Variants in TOX3 observed in about 807,000 individuals in gnomAD.
TOX3 encodes the protein CAG trinucleotide repeat-containing gene F9 protein.
A neutral mutation model predicts 64.3 loss-of-function variants in TOX3; 22 were observed. That is an observed-to-expected ratio of 0.34 (90% confidence interval 0.24 to 0.49). The LOEUF (loss-of-function observed/expected upper bound fraction) is 0.49, where lower values mean the gene tolerates loss of function less well. Among genes scored for constraint, TOX3 ranks in the 20% least tolerant of loss-of-function variants. The probability of loss-of-function intolerance (pLI) is 0.99; values close to 1 mark genes in which losing one functional copy is unlikely to be tolerated. For synonymous variants in TOX3, 291 were observed against 273.6 expected (o/e 1.06, Z -0.63); for missense variants, 661 against 714.4 (o/e 0.93, Z 0.85).
intron 3 of TOX3, among the ~76,000 whole-genome samples, chr16:52,460,461 T>C (rs920144904): frequency 6.6e-5 from 10 of 152,182 alleles, no homozygotes; most frequent in Admixed American, 4.6e-4. Flanking sequence ...CTGAAAAGAA[T>C]GTTAACAAGT....
At chr16:52,453,723 G>A (rs114479569) in intron 3 of TOX3, among the ~76,000 whole-genome samples, 4 of 152,242 alleles carry the variant, frequency 2.6e-5, no homozygotes, top group South Asian at 2.1e-4. Context: ...ATAGGTGCTC[G>A]ATTGACTCAC....
chr16:52,545,510 TGTTATTTATTCATTA>T (rs1305187927), intron 1 of TOX3, among the ~76,000 whole-genome samples: 1 of 152,260 alleles, frequency 6.6e-6, no homozygotes, highest in East Asian at 1.9e-4. Flanking sequence ...CTCCTCTTCC[TGTTATTTATTCATTA>T]GTTTTGTTTA....
chr16:52,461,011 TA>T (rs1270107575), intron 3 of TOX3, among the ~76,000 whole-genome samples: 1 of 152,140 alleles, frequency 6.6e-6, no homozygotes, highest in Non-Finnish European at 1.5e-5. Flanking sequence ...AGCTGTCTAG[TA>T]AAAATAATCC....
At chr16:52,464,577 A>G (rs1201043145) in intron 2 of TOX3, among the ~76,000 whole-genome samples, 1 of 151,454 alleles carries the variant, frequency 6.6e-6, no homozygotes, top group Non-Finnish European at 1.5e-5. Context: ...TGTGGCATGC[A>G]CACACACACA....
rs779161107 is a variant in TOX3, at chr16:52,439,348, G to A, written c.1608C>T (p.Val536=). The A allele has an allele frequency of 3.3e-5, 53 of 1,611,900 alleles. No individual in the cohort carries two copies. The highest frequency in any genetic ancestry group is 4.5e-5 in the East Asian group (2 of 44,822). The change falls in exon 7 of 7, where the codon GTC becomes GTT. Residue 536 remains valine (V), a synonymous_variant. Coordinates refer to ENST00000219746, the MANE Select transcript of TOX3 (RefSeq NM_001080430.4). ...SQPSPRQHSP[V]ASQITSPIPA... ...GGATGGGGGATGTTATCTGAGAGGC[G>A]ACAGGGGAGTGCTGCCGAGGAGAAG... is the stretch of plus-strand genomic sequence containing the variant.
intron 1 of TOX3, among the ~76,000 whole-genome samples, chr16:52,545,696 T>A (rs1306946241): frequency 6.6e-6 from 1 of 152,126 alleles, no homozygotes; most frequent in Non-Finnish European, 1.5e-5. Context: ...CGGCTGTTTC[T>A]CTGAATCTCG....
In TOX3 at chr16:52,464,156, C is replaced by T; in HGVS notation, c.186G>A (p.Glu62=). The T allele has an allele frequency of 6.3e-7, 1 of 1,575,436 alleles. No homozygotes were observed. The highest frequency in any genetic ancestry group is 8.6e-7 in the Non-Finnish European group (1 of 1,159,692). The stretch of plus-strand genomic sequence containing the variant: ...GCGTGATTGGTGGAATTTCGAATTC[C>T]TCGTCCCCAAGGCTTGGTGTGTGGA... ...QTFHTPSLGD[E]EFEIPPITPP... Residue 62 remains glutamate (E), a synonymous_variant, in exon 3 of 7, where the codon GAG becomes GAA. Transcript: ENST00000219746.
At chr16:52,495,905 C>T (rs188650525) in intron 1 of TOX3, among the ~76,000 whole-genome samples, 337 of 152,228 alleles carry the variant, frequency 2.2e-3, no homozygotes, top group Non-Finnish European at 2.4e-3. Context: ...AGAATTTACT[C>T]TCACCTCCAC....
rs1474323991 is a variant in TOX3, at chr16:52,455,758, G to A, written c.409-5212C>T. On this transcript the variant is annotated intron_variant, in intron 3 of 6. Coordinates refer to ENST00000219746, the MANE Select transcript of TOX3 (RefSeq NM_001080430.4). ...GTCTCATGCAGAGGGAACAGCATGT[G>A]CAAGGTCTGAAGTGGGAGAGATCTT... 2.6e-5 allele frequency among the ~76,000 whole-genome samples: 4 copies of A among 152,294 alleles called. No individual in the cohort carries two copies. In the East Asian group the frequency reaches 7.7e-4, roughly 29 times the overall value.
chr16:52,502,251 G>A (rs1162070586), intron 1 of TOX3, among the ~76,000 whole-genome samples: 1 of 152,106 alleles, frequency 6.6e-6, no homozygotes, highest in Non-Finnish European at 1.5e-5. Flanking sequence ...ATGAAAAATA[G>A]GAGGAAAATC....
chr16:52,460,056 TA>T (rs1216086551), intron 3 of TOX3, among the ~76,000 whole-genome samples: 1 of 152,164 alleles, frequency 6.6e-6, no homozygotes, highest in African/African-American at 2.4e-5. Flanking sequence ...CTTCTCTGCA[TA>T]AATGTCTCCT....
intron 1 of TOX3, 39 bp from the exon 2 acceptor site, chr16:52,468,613 T>A: frequency 6.7e-7 from 1 of 1,486,772 alleles, no homozygotes; most frequent in Non-Finnish European, 9.4e-7. Flanking sequence ...ATATGCGGCA[T>A]AATAAAGCAT....
At chr16:52,474,166 G>C (rs982778114) in intron 1 of TOX3, among the ~76,000 whole-genome samples, 6 of 152,068 alleles carry the variant, frequency 3.9e-5, no homozygotes, top group Admixed American at 1.3e-4. Context: ...GGTGACTCCG[G>C]CCAAATATCA....
intron 1 of TOX3, among the ~76,000 whole-genome samples, chr16:52,514,449 C>A (rs146509434): frequency 1.5e-4 from 23 of 152,266 alleles, no homozygotes; most frequent in East Asian, 1.2e-3. Flanking sequence ...ACCACTAAAC[C>A]ATTCATATAA....
At chr16:52,499,404 G>A (rs1379048890) in intron 1 of TOX3, among the ~76,000 whole-genome samples, 1 of 152,170 alleles carries the variant, frequency 6.6e-6, no homozygotes, top group African/African-American at 2.4e-5. Flanking sequence ...CTGTGTTTGA[G>A]TATAGTATTA....
At chr16:52,450,774 A>G (rs1960316380) in intron 3 of TOX3, among the ~76,000 whole-genome samples, 1 of 148,438 alleles carries the variant, frequency 6.7e-6, no homozygotes, top group Non-Finnish European at 1.5e-5. Context: ...ATTTCATTAT[A>G]GAACTGTCAG....
At chr16:52,514,877 G>A (rs544391732) in intron 1 of TOX3, among the ~76,000 whole-genome samples, 1 of 151,946 alleles carries the variant, frequency 6.6e-6, no homozygotes, top group East Asian at 1.9e-4. Flanking sequence ...CGGGCATGGT[G>A]GCAGGCACCT....
At chr16:52,492,120 T>C (rs1961703047) in intron 1 of TOX3, among the ~76,000 whole-genome samples, 1 of 151,790 alleles carries the variant, frequency 6.6e-6, no homozygotes, top group Non-Finnish European at 1.5e-5. Context: ...AATGGGTCTG[T>C]ACAATGAATT....
chr16:52,453,380 C>T (rs1960416073), intron 3 of TOX3, among the ~76,000 whole-genome samples: 1 of 151,818 alleles, frequency 6.6e-6, no homozygotes, highest in Non-Finnish European at 1.5e-5. Flanking sequence ...GACGGGGTTT[C>T]ACCATGTTGG....
Sources: allele counts gnomAD v4.1 joint callset (sites outside exome capture counted in the v4.1 genomes callset), GRCh38; gene constraint gnomAD v4.1.1; transcripts MANE v1.5; gene names NCBI Gene and HGNC (gene_info 2026-07-23, HGNC 2026-07-21).